Variants in SHISA9 observed in about 807,000 individuals in gnomAD.
SHISA9 encodes protein shisa-9.
SHISA9 carries 13 observed loss-of-function variants against 38.0 expected under a neutral mutation model. The observed-to-expected ratio is 0.34, with a 90% CI of 0.22 to 0.54. The LOEUF (loss-of-function observed/expected upper bound fraction) is 0.54. Ranked by LOEUF, SHISA9 falls within the 20% of genes least tolerant of loss-of-function variation. SHISA9 has a pLI of 0.91. For synonymous variants in SHISA9, 275 were observed against 242.0 expected (o/e 1.14, Z -1.27); for missense variants, 538 against 575.8 (o/e 0.93, Z 0.67).
At chr16:13,366,553 A>G in the SHISA9 span, among the ~76,000 whole-genome samples, 1 of 152,156 alleles carries the variant, frequency 6.6e-6, no homozygotes, top group Non-Finnish European at 1.5e-5. Flanking sequence ...GCAAGAATCC[A>G]GGTTTTAGTC....
intron 1 of SHISA9, among the ~76,000 whole-genome samples, chr16:12,912,971 C>G (rs116627675): frequency 0.011 from 1,671 of 152,154 alleles, 33 homozygotes; most frequent in African/African-American, 0.037. Flanking sequence ...TCCAACTCCT[C>G]GCTGTTCAAG....
At chr16:12,904,827 C>T (rs1468940097) in intron 1 of SHISA9, among the ~76,000 whole-genome samples, 3 of 152,182 alleles carry the variant, frequency 2.0e-5, no homozygotes, top group African/African-American at 4.8e-5. Context: ...CCACCCTAGG[C>T]TACTTAGATC....
rs752183359 is a variant in SHISA9, at chr16:12,902,292, C to T, written c.228C>T (p.Gly76=). The change falls in exon 1 of 5, where the codon GGC becomes GGT. Residue 76 remains glycine, a synonymous_variant. Transcript: ENST00000558583. ...TRAPTPDFCR[G]YFDVMGQWDP... ...CGCCCACGCCGGACTTCTGCCGGGG[C>T]TACTTCGATGTCATGGGCCAGTGGG... is the stretch of plus-strand genomic sequence containing the variant. 1.1e-4 allele frequency: 169 copies of T among 1,550,152 alleles called. No homozygotes were observed. Among genetic ancestry groups the T allele is most frequent in the Non-Finnish European group, 9.0e-5 (103 of 1,146,944 alleles).
the SHISA9 span, among the ~76,000 whole-genome samples, chr16:13,312,703 T>C: frequency 1.3e-5 from 2 of 152,196 alleles, no homozygotes; most frequent in Non-Finnish European, 1.5e-5. Context: ...AAATTTATAA[T>C]GTTTAGGTAA....
the SHISA9 span, among the ~76,000 whole-genome samples, chr16:13,540,634 C>A: frequency 2.0e-5 from 3 of 152,136 alleles, no homozygotes; most frequent in Admixed American, 2.0e-4. Context: ...TGACTTGAAT[C>A]CTTATCTTAG....
chr16:13,410,638 A>C, the SHISA9 span, among the ~76,000 whole-genome samples: 1 of 152,212 alleles, frequency 6.6e-6, no homozygotes. Flanking sequence ...AAACTTTAAC[A>C]CTGGAGAGCT....
the SHISA9 span, among the ~76,000 whole-genome samples, chr16:13,249,214 TAAGG>T: frequency 1.3e-5 from 2 of 152,186 alleles, no homozygotes; most frequent in Non-Finnish European, 2.9e-5. Flanking sequence ...CTGGTCCCAG[TAAGG>T]AAGATGAGTT....
intron 2 of SHISA9, among the ~76,000 whole-genome samples, chr16:13,166,068 A>G (rs2142016497): frequency 6.6e-6 from 1 of 152,290 alleles, no homozygotes; most frequent in East Asian, 1.9e-4. Flanking sequence ...TGTTTGCAGG[A>G]GATTAGTCTT....
chr16:13,313,093 A>C, the SHISA9 span, among the ~76,000 whole-genome samples: 2 of 150,934 alleles, frequency 1.3e-5, no homozygotes, highest in Non-Finnish European at 3.0e-5. Context: ...GTCTCTACTA[A>C]AAATACAAAA....
At chr16:13,415,269 ATCG>A in the SHISA9 span, among the ~76,000 whole-genome samples, 9 of 152,202 alleles carry the variant, frequency 5.9e-5, no homozygotes, top group African/African-American at 2.2e-4. Context: ...AAAAAAGAAT[ATCG>A]TGTGCTTTGC....
chr16:13,309,417 T>C, the SHISA9 span, among the ~76,000 whole-genome samples: 2 of 151,852 alleles, frequency 1.3e-5, no homozygotes, highest in Admixed American at 6.6e-5. Flanking sequence ...CCGAGGTGGG[T>C]AGATCACCCG....
chr16:13,469,381 G>GAAAGAA, the SHISA9 span, among the ~76,000 whole-genome samples: 1 of 100,392 alleles, frequency 1.0e-5, no homozygotes, highest in African/African-American at 3.8e-5. Context: ...AAGAAAGAAA[G>GAAAGAA]AAAGAAAGAA....
intron 2 of SHISA9, among the ~76,000 whole-genome samples, chr16:12,927,671 A>C (rs982127539): frequency 6.6e-6 from 1 of 151,956 alleles, no homozygotes; most frequent in East Asian, 1.9e-4. Flanking sequence ...GGCCTCCCAA[A>C]GTGTTGGGAT....
chr16:13,313,052 G>C, the SHISA9 span, among the ~76,000 whole-genome samples: 4 of 151,140 alleles, frequency 2.6e-5, no homozygotes, highest in African/African-American at 9.7e-5. Context: ...TCAGGAGTTC[G>C]AGACCATCCC....
intron 2 of SHISA9, among the ~76,000 whole-genome samples, chr16:13,186,726 AT>A (rs754008264): frequency 6.6e-6 from 1 of 152,146 alleles, no homozygotes; most frequent in Non-Finnish European, 1.5e-5. Flanking sequence ...ATAAATCCCA[AT>A]CCCCGCTTCT....
intron 2 of SHISA9, among the ~76,000 whole-genome samples, chr16:12,926,161 C>G (rs7499547): frequency 0.26 from 39,419 of 152,068 alleles, 5,740 homozygotes; most frequent in Non-Finnish European, 0.32. Context: ...CTGAGTAATT[C>G]AAACCACAGA....
chr16:13,136,260 G>C (rs2050347057), intron 2 of SHISA9, among the ~76,000 whole-genome samples: 1 of 151,992 alleles, frequency 6.6e-6, no homozygotes, highest in Non-Finnish European at 1.5e-5. Flanking sequence ...ACCCTATAAG[G>C]TAGTCTGAGG....
At chr16:13,394,925 TGG>T in the SHISA9 span, among the ~76,000 whole-genome samples, 13 of 114,276 alleles carry the variant, frequency 1.1e-4, no homozygotes, top group African/African-American at 4.5e-4. Context: ...AAGCAGTATC[TGG>T]GGTGTGTGTG....
At chr16:13,542,516 T>C in the SHISA9 span, among the ~76,000 whole-genome samples, 20 of 152,282 alleles carry the variant, frequency 1.3e-4, no homozygotes, top group East Asian at 3.9e-3. Flanking sequence ...AGAGCAGAGA[T>C]AGATCAAGCT....
Sources: gnomAD v4.1 joint callset for allele counts (sites outside exome capture counted in the v4.1 genomes callset) on GRCh38, gnomAD v4.1.1 for gene constraint, MANE v1.5 for transcripts, NCBI Gene and HGNC (gene_info 2026-07-23, HGNC 2026-07-21) for gene names.